The following ST6GALNAC5 variants were observed in gnomAD, a reference collection of about 807,000 sequenced individuals.
The protein encoded by ST6GALNAC5 is ST6 N-acetylgalactosaminide alpha-2,6-sialyltransferase 5.
In ST6GALNAC5, 27 loss-of-function variants were observed where a neutral mutation model predicts 33.6. The ratio of observed to expected loss-of-function variants is 0.80; its 90% CI spans 0.59 to 1.11. ST6GALNAC5 has a LOEUF of 1.11. ST6GALNAC5 is among the 50% of genes least tolerant of loss of function. The pLI is 0.00. For synonymous variants in ST6GALNAC5, 194 were observed against 171.2 expected, an observed-to-expected ratio of 1.13 and a Z score of -1.04; for missense variants, 428 against 454.0, an observed-to-expected ratio of 0.94 and a Z score of 0.52.
chr1:76,929,391 T>C lies in ST6GALNAC5; in HGVS notation c.261+60649T>C, dbSNP rs551722708. ...CCTGTTACTATAAAACATTAAAAAA[T>C]AGAAGGGCATTGTGTTGCATGCCCG... On this transcript the variant is annotated intron_variant, in intron 2 of 4. Transcript: ENST00000477717. Among the ~76,000 whole-genome samples the C allele has an allele frequency of 8.6e-5, 13 of 152,022 alleles. 1 individual carries two copies. In the East Asian group the frequency reaches 2.3e-3, roughly 27 times the overall value.
chr1:77,021,862 A>G (rs1178618965), intron 2 of ST6GALNAC5, among the ~76,000 whole-genome samples: 1 of 152,194 alleles, frequency 6.6e-6, no homozygotes, highest in East Asian at 1.9e-4. Flanking sequence ...ATGTGCTGAC[A>G]ATTTACAAGG....
intron 2 of ST6GALNAC5, among the ~76,000 whole-genome samples, chr1:76,970,634 CA>C (rs1648710829): frequency 6.6e-6 from 1 of 152,166 alleles, no homozygotes; most frequent in Admixed American, 6.5e-5. Flanking sequence ...AAACACTCTT[CA>C]GGATATTATC....
intron 2 of ST6GALNAC5, among the ~76,000 whole-genome samples, chr1:76,874,909 A>G (rs887671744): frequency 6.6e-6 from 1 of 152,204 alleles, no homozygotes; most frequent in African/African-American, 2.4e-5. Context: ...TGAGGTCATA[A>G]TAATGCCTAA....
rs962882846 is a variant in ST6GALNAC5 at position 76,938,705 on chromosome 1, A to G, written c.261+69963A>G. 2.0e-5 allele frequency among the ~76,000 whole-genome samples: 3 copies of G among 152,232 alleles called. No homozygotes were observed. The South Asian group carries it at 6.2e-4, about 32-fold the overall frequency. On this transcript the variant is annotated intron_variant, in intron 2 of 4. Coordinates refer to ENST00000477717, the MANE Select transcript of ST6GALNAC5 (RefSeq NM_030965.3). ...GTAGTTTCTACCAGAAGACATCTAC[A>G]GATAATGCAATTCACCAAGTCAGCA...
intron 2 of ST6GALNAC5, among the ~76,000 whole-genome samples, chr1:76,929,038 A>C (rs1318005091): frequency 6.6e-6 from 1 of 152,160 alleles, no homozygotes; most frequent in Non-Finnish European, 1.5e-5. Flanking sequence ...TTCAAGCCTT[A>C]CTTTCTTTCA....
intron 3 of ST6GALNAC5, 116 bp downstream of exon 3, chr1:77,044,729 T>A: frequency 4.6e-6 from 6 of 1,294,082 alleles, no homozygotes; most frequent in Non-Finnish European, 5.3e-6. Flanking sequence ...ACTGCTCATG[T>A]CATTGCTAGA....
At chr1:76,928,165 C>A (rs1557726162) in intron 2 of ST6GALNAC5, among the ~76,000 whole-genome samples, 1 of 152,114 alleles carries the variant, frequency 6.6e-6, no homozygotes, top group Non-Finnish European at 1.5e-5. Flanking sequence ...TATAGTTTCA[C>A]ATTTTACTAC....
intron 2 of ST6GALNAC5, among the ~76,000 whole-genome samples, chr1:76,912,324 T>C (rs1327455400): frequency 6.6e-6 from 1 of 152,090 alleles, no homozygotes; most frequent in African/African-American, 2.4e-5. Flanking sequence ...TTACATTTGC[T>C]GAGGGGAGCT....
intron 2 of ST6GALNAC5, among the ~76,000 whole-genome samples, chr1:76,976,141 A>G (rs748930473): frequency 9.9e-5 from 15 of 152,066 alleles, no homozygotes; most frequent in Non-Finnish European, 1.9e-4. Context: ...AAAGACAGAG[A>G]CAGAGACAGA....
chr1:77,051,114 T>TG (rs1261193626), intron 4 of ST6GALNAC5, among the ~76,000 whole-genome samples: 1 of 151,976 alleles, frequency 6.6e-6, no homozygotes, highest in African/African-American at 2.4e-5. Flanking sequence ...AAAGCTGGGG[T>TG]GGGGGGCATT....
At chr1:76,869,003 A>G in intron 2 of ST6GALNAC5, 1 of 465,202 alleles carries the variant, frequency 2.1e-6, no homozygotes, top group Non-Finnish European at 3.6e-6. Context: ...CGGCCCTGGA[A>G]CTAGAACTCC....
At chr1:76,928,120 G>C (rs1444865879) in intron 2 of ST6GALNAC5, among the ~76,000 whole-genome samples, 1 of 152,104 alleles carries the variant, frequency 6.6e-6, no homozygotes, top group Non-Finnish European at 1.5e-5. Context: ...TCAACAGTTT[G>C]CATTGTGGGA....
intron 2 of ST6GALNAC5, among the ~76,000 whole-genome samples, chr1:76,901,583 G>A (rs1469073998): frequency 6.6e-6 from 1 of 152,176 alleles, no homozygotes; most frequent in African/African-American, 2.4e-5. Flanking sequence ...AAATAGCAAA[G>A]AAGAGAACAG....
At chr1:77,001,150 T>C (rs1168872061) in intron 2 of ST6GALNAC5, among the ~76,000 whole-genome samples, 1 of 149,344 alleles carries the variant, frequency 6.7e-6, no homozygotes, top group Non-Finnish European at 1.5e-5. Context: ...CATTTGTTTG[T>C]ATCCTCTTTT....
intron 2 of ST6GALNAC5, among the ~76,000 whole-genome samples, chr1:76,991,158 G>C (rs928037928): frequency 1.3e-5 from 2 of 151,992 alleles, no homozygotes; most frequent in Non-Finnish European, 2.9e-5. Context: ...GGATATGGAG[G>C]GGCAGAAAGA....
chr1:76,996,702 T>A (rs1048579042), intron 2 of ST6GALNAC5, among the ~76,000 whole-genome samples: 35 of 152,156 alleles, frequency 2.3e-4, no homozygotes, highest in Non-Finnish European at 5.9e-5. Context: ...CCTTTCAGTA[T>A]GTACAGTTGG....
chr1:76,968,830 C>T (rs995025206), intron 2 of ST6GALNAC5, among the ~76,000 whole-genome samples: 2 of 152,124 alleles, frequency 1.3e-5, no homozygotes, highest in African/African-American at 4.8e-5. Context: ...ATTTCTCCTT[C>T]ACTTATGAAG....
At chr1:76,885,773 A>G (rs928604008) in intron 2 of ST6GALNAC5, among the ~76,000 whole-genome samples, 7 of 152,176 alleles carry the variant, frequency 4.6e-5, no homozygotes, top group Non-Finnish European at 8.8e-5. Flanking sequence ...GCACTTTTCA[A>G]TTGTGGCATG....
intron 2 of ST6GALNAC5, among the ~76,000 whole-genome samples, chr1:76,888,756 C>T (rs1653951758): frequency 6.7e-6 from 1 of 149,806 alleles, no homozygotes; most frequent in South Asian, 2.1e-4. Flanking sequence ...TGTATATTAC[C>T]AAAGTCCTAA....
Sources: gnomAD v4.1 joint callset for allele counts (sites outside exome capture counted in the v4.1 genomes callset) on GRCh38, gnomAD v4.1.1 for gene constraint, MANE v1.5 for transcripts, NCBI Gene and HGNC (gene_info 2026-07-23, HGNC 2026-07-21) for gene names.